Variants in HTT observed in about 807,000 individuals in gnomAD.
The protein encoded by HTT is huntington disease protein.
Under a neutral mutation model 362.3 loss-of-function variants are expected in HTT, and 104 were observed. The observed-to-expected ratio is 0.29, with a 90% CI of 0.24 to 0.34. The LOEUF (loss-of-function observed/expected upper bound fraction) is 0.34, where lower values mean the gene tolerates loss of function less well. Ranked by LOEUF, HTT falls within the 10% of genes least tolerant of loss-of-function variation. The pLI, the probability that HTT is intolerant of heterozygous loss-of-function variation, is 1.00. For missense variants in HTT, 3,301 were observed against 3,928.6 expected (o/e 0.84, Z 4.27); for synonymous variants, 1,577 against 1,548.7 (o/e 1.02, Z -0.43).
At chr4:3,208,085 G>A (rs1188129822) in intron 45 of HTT, among the ~76,000 whole-genome samples, 1 of 152,116 alleles carries the variant, frequency 6.6e-6, no homozygotes, top group East Asian at 1.9e-4. Context: ...AGAGTACCTT[G>A]TCTATTATGC....
intron 3 of HTT, among the ~76,000 whole-genome samples, chr4:3,101,447 G>A (rs1321703145): frequency 1.3e-5 from 2 of 152,226 alleles, no homozygotes; most frequent in African/African-American, 4.8e-5. Flanking sequence ...AGGCCCAGCG[G>A]GCTGGCAGCG....
rs916602758 is a variant in HTT, at chr4:3,117,750, A to G, written c.1068+1487A>G. Among the ~76,000 whole-genome samples the G allele has an allele frequency of 4.9e-4, 75 of 152,084 alleles. 1 individual carries two copies. Among genetic ancestry groups the G allele is most frequent in the South Asian group, 1.0e-3 (5 of 4,824 alleles). On this transcript the variant is annotated intron_variant, in intron 8 of 66. Transcript: ENST00000355072. ...TGGGAGGCTGAGATGGGAGGGTCAC[A>G]TGAGCCTGGAAGATCAAGGCTGCAG... is the stretch of plus-strand genomic sequence containing the variant.
intron 51 of HTT, among the ~76,000 whole-genome samples, chr4:3,215,469 C>T (rs969689796): frequency 6.6e-6 from 1 of 152,096 alleles, no homozygotes; most frequent in African/African-American, 2.4e-5. Flanking sequence ...ACTGGGGGAG[C>T]GCTCCCTTCC....
intron 27 of HTT, 34 bp downstream of exon 27, chr4:3,154,453 G>A: frequency 6.2e-7 from 1 of 1,606,842 alleles, no homozygotes; most frequent in South Asian, 1.1e-5. Context: ...AGGGACATGA[G>A]TGCAGCATCT....
At chr4:3,160,767 T>C (rs1017263266) in intron 29 of HTT, among the ~76,000 whole-genome samples, 49 of 152,186 alleles carry the variant, frequency 3.2e-4, no homozygotes, top group African/African-American at 1.2e-3. Context: ...CTTTTGTGCC[T>C]GAGGAAGTAA....
At position 3,223,470 on chromosome 4, in the gene HTT, G is replaced by C. The variant is rs766658916; in HGVS notation, c.7535G>C (p.Ser2512Thr). The change falls in exon 55 of 67, where the codon AGT becomes ACT. Residue 2512 changes from serine (S) to threonine (T), a missense_variant. Ser to Thr is a moderately conservative substitution (Grantham distance 58). Around this residue, in one of 4 missense-constraint regions of HTT, gnomAD observed 753 missense variants for 1,021.3 expected, o/e 0.74. Transcript: ENST00000355072. ...AVQAITSLVL[S>T]AMTVPVAGNP... ...CAGGCCATCACCTCACTGGTGCTCAGTGCAATGACTGTGCCTGTGGCCGGC... is the reference window on the plus strand; with the variant it reads ...CAGGCCATCACCTCACTGGTGCTCACTGCAATGACTGTGCCTGTGGCCGGC... 1.9e-6 allele frequency: 3 copies of C among 1,613,876 alleles called. No individual in the cohort carries two copies. The highest frequency in any genetic ancestry group is 3.3e-5 in the Admixed American group (2 of 59,964).
At chr4:3,222,263 A>G in intron 53 of HTT, 124 bp from the exon 54 acceptor site, 1 of 689,170 alleles carries the variant, frequency 1.5e-6, no homozygotes, top group South Asian at 1.8e-5. Flanking sequence ...GTGAGGTTTA[A>G]GGGACTCACT....
At chr4:3,132,403 T>C (rs1200110330) in intron 16 of HTT, among the ~76,000 whole-genome samples, 159 bp from the exon 17 acceptor site, 1 of 152,182 alleles carries the variant, frequency 6.6e-6, no homozygotes, top group Non-Finnish European at 1.5e-5. Flanking sequence ...TGAAACTTTT[T>C]TTTTTTTAAT....
intron 57 of HTT, 81 bp downstream of exon 57, chr4:3,225,824 C>A: frequency 1.1e-6 from 1 of 907,004 alleles, no homozygotes; most frequent in Non-Finnish European, 1.7e-6. Context: ...AGGAGAAAAG[C>A]TCAGTGCACT....
At chr4:3,173,270 A>G (rs551666793) in intron 31 of HTT, 139 bp downstream of exon 31, 7 of 681,652 alleles carry the variant, frequency 1.0e-5, no homozygotes, top group Admixed American at 1.0e-4. Context: ...TCTAGGAGAT[A>G]TATATGGTTG....
chr4:3,216,601 C>T (rs1194906512), intron 51 of HTT, among the ~76,000 whole-genome samples: 1 of 152,182 alleles, frequency 6.6e-6, no homozygotes, highest in Non-Finnish European at 1.5e-5. Context: ...GAGCAACGGG[C>T]CCTGAAGTGG....
chr4:3,236,455 G>T (rs902325800), intron 64 of HTT, among the ~76,000 whole-genome samples: 1 of 152,222 alleles, frequency 6.6e-6, no homozygotes, highest in Admixed American at 6.5e-5. Context: ...GCACTCAGGT[G>T]TAGCGTTGAC....
Position 3,228,673 on chromosome 4 carries a change from G to A in HTT, c.7907G>A (p.Trp2636Ter). 6.2e-7 allele frequency: 1 copy of A among 1,609,914 alleles called. No individual in the cohort carries two copies. The highest frequency in any genetic ancestry group is 2.2e-5 in the East Asian group (1 of 44,852). Reference protein sequence around the residue: ...NSITPLREEEWDEEEEEEADA... With the variant: ...NSITPLREEE The stretch of plus-strand genomic sequence containing the variant: ...ATCACACCCCTGAGGGAGGAGGAAT[G>A]GGACGAGGAAGAGGAGGAGGAGGCC... The change falls in exon 58 of 67, where the codon TGG becomes TAG. Residue 2636 changes from tryptophan (W) to a stop codon, truncating the protein, a stop_gained. Transcript: ENST00000355072. LOFTEE classifies it high-confidence loss of function. The surrounding 1 kb of genome is among the most constrained non-coding windows in gnomAD (Gnocchi z 4.3).
Position 3,217,922 on chromosome 4 carries a change from T to C in HTT, c.7212T>C (p.Leu2404=). ...TCATCAGCCTGGCCCGCCTGCCCCTTGTCAACAGCTACACACGTGTGCCCC... is the reference window on the plus strand; with the variant it reads ...TCATCAGCCTGGCCCGCCTGCCCCTCGTCAACAGCTACACACGTGTGCCCC... ...NIIISLARLP[L]VNSYTRVPPL... Residue 2404 remains leucine (L), a synonymous_variant, in exon 52 of 67, where the codon CTT becomes CTC. Coordinates refer to ENST00000355072, the MANE Select transcript of HTT (RefSeq NM_001388492.1). The C allele has an allele frequency of 6.2e-7, 1 of 1,613,114 alleles. No homozygotes were observed. Among genetic ancestry groups the C allele is most frequent in the Non-Finnish European group, 8.5e-7 (1 of 1,179,714 alleles).
intron 29 of HTT, among the ~76,000 whole-genome samples, chr4:3,168,825 C>G (rs1717832379): frequency 6.6e-6 from 1 of 152,090 alleles, no homozygotes. Flanking sequence ...TGCAAAGAGC[C>G]ATGATCATGC....
At chr4:3,119,709 C>CTG (rs1715203220) in intron 8 of HTT, among the ~76,000 whole-genome samples, 1 of 152,134 alleles carries the variant, frequency 6.6e-6, no homozygotes, top group Admixed American at 6.5e-5. Flanking sequence ...GAAAGCAGTG[C>CTG]TGTTGCTAAC....
At chr4:3,193,627 T>C (rs925090959) in intron 40 of HTT, among the ~76,000 whole-genome samples, 2 of 152,264 alleles carry the variant, frequency 1.3e-5, no homozygotes, top group African/African-American at 4.8e-5. Flanking sequence ...TGAAGTGTTG[T>C]CCAATAGGAC....
Position 3,233,190 on chromosome 4 carries a change from C to T in HTT, c.8293C>T (p.Arg2765Cys), listed in dbSNP as rs776830464. ...MDKAVAEPVS[R>C]LLESTLRSSH... ...CAAGGCCGTGGCGGAGCCTGTCAGC[C>T]GCCTGCTGGAGAGCACGCTCAGGAG... The change falls in exon 61 of 67, where the codon CGC becomes TGC. Residue 2765 changes from arginine (R) to cysteine (C), a missense_variant. Arg to Cys is a radical substitution (Grantham distance 180). This residue lies in a region of HTT where 753 missense variants were observed against 1,021.3 expected (regional missense o/e 0.74). Transcript: ENST00000355072. 5.7e-6 allele frequency: 9 copies of T among 1,591,532 alleles called. No individual in the cohort carries two copies. Among genetic ancestry groups the T allele is most frequent in the African/African-American group, 2.7e-5 (2 of 74,612 alleles).
rs368601624 is a variant in HTT at position 3,188,976 on chromosome 4, C to G, written c.5251C>G (p.Leu1751Val). Residue 1751 changes from leucine (L) to valine (V), a missense_variant, in exon 40 of 67, where the codon CTT (leucine) becomes GTT (valine). Leu to Val is a conservative substitution (Grantham distance 32). Coordinates refer to ENST00000355072, the MANE Select transcript of HTT (RefSeq NM_001388492.1). ...SRFLLQLVGI[L>V]LEDIVTKQLK... The stretch of plus-strand genomic sequence containing the variant: ...GTTTCTATTACAACTGGTTGGTATT[C>G]TTTTAGAAGACATTGTTACAAAACA... The G allele has an allele frequency of 2.3e-5, 37 of 1,613,814 alleles. No individual in the cohort carries two copies. Among genetic ancestry groups the G allele is most frequent in the Non-Finnish European group, 2.9e-5 (34 of 1,179,932 alleles).
Sources: gnomAD v4.1 joint callset for allele counts (sites outside exome capture counted in the v4.1 genomes callset) on GRCh38, gnomAD v4.1.1 for gene constraint, gnomAD v4.1.1 regional missense constraint, Gnocchi (gnomAD v3.1) non-coding constraint, MANE v1.5 for transcripts, NCBI Gene and HGNC (gene_info 2026-07-23, HGNC 2026-07-21) for gene names.